Variants in GZMA observed in about 807,000 individuals in gnomAD.
GZMA encodes the protein granzyme A.
In GZMA, 17 loss-of-function variants were observed where a neutral mutation model predicts 21.1. The observed-to-expected ratio is 0.81, with a 90% confidence interval of 0.55 to 1.21. The LOEUF (loss-of-function observed/expected upper bound fraction) is 1.21. Ranked by LOEUF, GZMA falls within the 50% of genes most tolerant of loss-of-function variation. The probability of loss-of-function intolerance (pLI) is 0.00; values close to 1 mark genes in which losing one functional copy is unlikely to be tolerated. For missense variants in GZMA, 306 were observed against 315.9 expected, an observed-to-expected ratio of 0.97 and a Z score of 0.24; for synonymous variants, 90 against 107.8, an observed-to-expected ratio of 0.83 and a Z score of 1.03.
rs1353344989 is a variant in GZMA at position 55,110,221 on chromosome 5, T to G, written c.*39T>G. On this transcript the variant is annotated 3_prime_UTR_variant, in exon 5 of 5. Transcript: ENST00000274306. ...TTCATTTACTGTGGCTTCTTAATCTTTTCACAAATAAAATCAATTTGCATG... is the reference window on the plus strand; with the variant it reads ...TTCATTTACTGTGGCTTCTTAATCTGTTCACAAATAAAATCAATTTGCATG... 1.4e-6 allele frequency: 2 copies of G among 1,454,778 alleles called. No homozygotes were observed. Among genetic ancestry groups the G allele is most frequent in the Non-Finnish European group, 1.9e-6 (2 of 1,067,490 alleles). The allele number at this position is 1,454,778 out of a possible 1,614,324, so 90.1% of individuals were successfully genotyped here.
rs1332401836 is a variant in GZMA at position 55,103,328 on chromosome 5, T to G, written c.70+576T>G. 1.1e-4 allele frequency among the ~76,000 whole-genome samples: 16 copies of G among 152,184 alleles called. 1 individual carries two copies. Among genetic ancestry groups the G allele is most frequent in the Non-Finnish European group, 1.5e-5 (1 of 68,030 alleles). On this transcript the variant is annotated intron_variant, in intron 1 of 4. Coordinates refer to ENST00000274306, the MANE Select transcript of GZMA (RefSeq NM_006144.4). ...AAAGTGAATCAGGAATTATTAGAATTTTTATACTTATTTCTCTGGTCTAGA... is the reference window on the plus strand; with the variant it reads ...AAAGTGAATCAGGAATTATTAGAATGTTTATACTTATTTCTCTGGTCTAGA...
At chr5:55,104,228 CTG>C (rs975192489) in intron 1 of GZMA, among the ~76,000 whole-genome samples, 7 of 152,174 alleles carry the variant, frequency 4.6e-5, no homozygotes, top group Admixed American at 1.3e-4. Flanking sequence ...TCTTTGTTTC[CTG>C]TGTTCAGAGA....
intron 2 of GZMA, among the ~76,000 whole-genome samples, chr5:55,107,061 A>G (rs1742428992): frequency 6.6e-6 from 1 of 152,124 alleles, no homozygotes. Context: ...GATACATGTG[A>G]CCATTTAAGT....
At position 55,108,153 on chromosome 5, in the gene GZMA, A is replaced by G; in HGVS notation, c.386A>G (p.Tyr129Cys). 1 of 1,607,100 alleles carries G rather than the reference A, an allele frequency of 6.2e-7. No individual in the cohort carries two copies. Among genetic ancestry groups the G allele is most frequent in the East Asian group, 2.2e-5 (1 of 44,776 alleles). The change falls in exon 4 of 5, where the codon TAT (tyrosine) becomes TGT (cysteine). Residue 129 changes from tyrosine (Y) to cysteine (C), a missense_variant. Physicochemically the swap from Tyr to Cys is radical, Grantham distance 194. Transcript: ENST00000274306. Reference protein sequence around the residue: ...QLMEKAKINKYVTILHLPKKG... With the variant: ...QLMEKAKINKCVTILHLPKKG... ...ATGGAAAAAGCAAAAATTAACAAAT[A>G]TGTGACTATCCTTCATCTACCTAAA...
intron 4 of GZMA, among the ~76,000 whole-genome samples, chr5:55,108,796 C>G (rs1243418441): frequency 1.3e-5 from 2 of 152,186 alleles, no homozygotes; most frequent in Non-Finnish European, 2.9e-5. Flanking sequence ...TCCTTCCCCA[C>G]TACGTTCCTC....
intron 1 of GZMA, among the ~76,000 whole-genome samples, chr5:55,104,318 G>C (rs1384499551): frequency 1.3e-5 from 2 of 152,146 alleles, no homozygotes; most frequent in African/African-American, 2.4e-5. Flanking sequence ...AATCACCCTA[G>C]GAAAATTGGG....
chr5:55,107,717 ATG>A, intron 2 of GZMA, 75 bp from the exon 3 acceptor site: 2 of 1,054,872 alleles, frequency 1.9e-6, no homozygotes, highest in East Asian at 5.0e-5. Flanking sequence ...AAATGGGACA[ATG>A]AAACTGATCA....
chr5:55,107,360 T>C (rs1742432253), intron 2 of GZMA, among the ~76,000 whole-genome samples: 1 of 152,198 alleles, frequency 6.6e-6, no homozygotes, highest in African/African-American at 2.4e-5. Context: ...AGTTTGTTGT[T>C]TTCTTGAAAA....
chr5:55,109,514 C>A (rs878892766), intron 4 of GZMA, among the ~76,000 whole-genome samples: 4 of 152,224 alleles, frequency 2.6e-5, no homozygotes, highest in Admixed American at 1.3e-4. Context: ...GGGAAATAAA[C>A]CTGTTCAGGG....
In GZMA at chr5:55,108,366, G is replaced by A. The variant is rs1324519507; in HGVS notation, c.599G>A (p.Ser200Asn). The change falls in exon 4 of 5, where the codon AGC (serine) becomes AAC (asparagine). Residue 200 changes from serine (S) to asparagine (N), a missense_variant. Transcript: ENST00000274306. ...GGAATGAATATGGTTTGTGCTGGAA[G>A]CCTCCGAGGTGGAAGAGACTCGTGC... Reference protein sequence around the residue: ...VIGMNMVCAGSLRGGRDSCNG... With the variant: ...VIGMNMVCAGNLRGGRDSCNG... The A allele has an allele frequency of 6.2e-7, 1 of 1,613,216 alleles. No homozygotes were observed. Among genetic ancestry groups the A allele is most frequent in the East Asian group, 2.2e-5 (1 of 44,832 alleles).
intron 1 of GZMA, 62 bp downstream of exon 1, chr5:55,102,814 G>T: frequency 1.9e-6 from 2 of 1,053,966 alleles, no homozygotes; most frequent in South Asian, 1.3e-5. Context: ...GACTTTCAAT[G>T]AACTTTTGGC....
At chr5:55,105,421 T>C (rs1029998432) in intron 1 of GZMA, 53 bp from the exon 2 acceptor site, 16 of 1,526,734 alleles carry the variant, frequency 1.0e-5, no homozygotes, top group African/African-American at 1.4e-5. Context: ...TGACTTTGTG[T>C]AGAGCTCTTT....
At chr5:55,105,162 G>C (rs1175147762) in intron 1 of GZMA, among the ~76,000 whole-genome samples, 1 of 152,202 alleles carries the variant, frequency 6.6e-6, no homozygotes, top group Non-Finnish European at 1.5e-5. Flanking sequence ...TGCAGCAACT[G>C]TTGATGGTAA....
chr5:55,104,219 C>T (rs969286399), intron 1 of GZMA, among the ~76,000 whole-genome samples: 1 of 152,208 alleles, frequency 6.6e-6, no homozygotes, highest in Non-Finnish European at 1.5e-5. Context: ...CTGTGCTCCT[C>T]TTTGTTTCCT....
chr5:55,102,960 G>T (rs1742328664), intron 1 of GZMA, among the ~76,000 whole-genome samples: 1 of 151,856 alleles, frequency 6.6e-6, no homozygotes, highest in Non-Finnish European at 1.5e-5. Context: ...GCAGGAGTTT[G>T]AGTCCAGGCT....
At chr5:55,109,514 C>T (rs878892766) in intron 4 of GZMA, among the ~76,000 whole-genome samples, 1 of 152,224 alleles carries the variant, frequency 6.6e-6, no homozygotes, top group African/African-American at 2.4e-5. Context: ...GGGAAATAAA[C>T]CTGTTCAGGG....
chr5:55,105,377 C>T (rs1223824384), intron 1 of GZMA, 97 bp from the exon 2 acceptor site: 3 of 1,027,550 alleles, frequency 2.9e-6, no homozygotes, highest in Non-Finnish European at 4.3e-6. Context: ...GACTTCCTCT[C>T]TGAGTGCAAA....
In GZMA at chr5:55,106,301, T is replaced by TAAAAAATAAAACAAA. The variant is rs1237092614; in HGVS notation, c.215+684_215+685insAAAAATAAAACAAAA. 2.2e-3 allele frequency among the ~76,000 whole-genome samples: 2 copies of TAAAAAATAAAACAAA among 902 alleles called. 1 individual carries two copies. Among genetic ancestry groups the TAAAAAATAAAACAAA allele is most frequent in the African/African-American group, 2.7e-3 (2 of 736 alleles). 0.6% of individuals were successfully genotyped at this position (902 alleles called of 152,430 possible). On this transcript the variant is annotated intron_variant, in intron 2 of 4. Transcript: ENST00000274306. ...TAAAATAAAATAAAATAAAATAAAA[T>TAAAAAATAAAACAAA]ATAAAATAAAATAAAATATAAAATA...
At chr5:55,107,675 C>A in intron 2 of GZMA, 119 bp from the exon 3 acceptor site, 1 of 581,468 alleles carries the variant, frequency 1.7e-6, no homozygotes, top group Non-Finnish European at 2.9e-6. Context: ...TCTTTCTGAG[C>A]CACAAAGAAA....
Sources: allele counts gnomAD v4.1 joint callset (sites outside exome capture counted in the v4.1 genomes callset), GRCh38; gene constraint gnomAD v4.1.1; transcripts MANE v1.5; gene names NCBI Gene and HGNC (gene_info 2026-07-23, HGNC 2026-07-21).